The following MCF2L variants were observed in gnomAD, a reference collection of about 807,000 sequenced individuals.
MCF2L encodes MCF.2 cell line derived transforming sequence like, also known as guanine nucleotide exchange factor DBS.
MCF2L carries 97 observed loss-of-function variants against 153.4 expected under a neutral mutation model. The observed-to-expected ratio is 0.63, with a 90% CI of 0.54 to 0.75. MCF2L has a LOEUF of 0.75. Among genes scored for constraint, MCF2L ranks in the 30% least tolerant of loss-of-function variants. The pLI is 0.00. For synonymous variants in MCF2L, 659 were observed against 632.2 expected (o/e 1.04, Z -0.64); for missense variants, 1,347 against 1,495.2 (o/e 0.90, Z 1.64).
chr13:113,078,693 C>T lies in MCF2L; in HGVS notation c.1762C>T (p.Arg588Cys), dbSNP rs746584526. The T allele has an allele frequency of 1.4e-5, 22 of 1,611,194 alleles. No individual in the cohort carries two copies. The highest frequency in any genetic ancestry group is 1.1e-4 in the South Asian group (10 of 90,888). ...TGAGATGAGTGAGAGCCGGCAGGGCCGCGGCTCAGCGGGGGAGGAGGAGGA... is the reference window on the plus strand; with the variant it reads ...TGAGATGAGTGAGAGCCGGCAGGGCTGCGGCTCAGCGGGGGAGGAGGAGGA... The part of the protein sequence containing the change: ...KSEMSESRQG[R>C]GSAGEEEESL... Residue 588 changes from arginine (R) to cysteine (C), a missense_variant, in exon 15 of 30, where the codon CGC (arginine) becomes TGC (cysteine). Coordinates refer to ENST00000535094, the MANE Select transcript of MCF2L (RefSeq NM_001112732.3).
chr13:112,968,426 C>G (rs904326882), upstream of MCF2L: 10 of 1,577,176 alleles, frequency 6.3e-6, no homozygotes, highest in Non-Finnish European at 8.5e-6. Flanking sequence ...AGCCAGGACG[C>G]TGCGTGTGTC....
intron 1 of MCF2L, among the ~76,000 whole-genome samples, chr13:112,901,906 C>T (rs1293318623): frequency 6.6e-6 from 1 of 152,148 alleles, no homozygotes; most frequent in Admixed American, 6.5e-5. Flanking sequence ...GAGGGGAAAA[C>T]CTCGGTTGTT....
rs1205482009 is a variant in MCF2L at position 113,035,430 on chromosome 13, C to G, written c.279-9841C>G. On this transcript the variant is annotated intron_variant, in intron 3 of 29. Coordinates refer to ENST00000535094, the MANE Select transcript of MCF2L (RefSeq NM_001112732.3). This position sits in a 1 kb window ranked among gnomAD's most constrained non-coding sequence, Gnocchi z 4.4. Reference sequence around the variant, plus strand: ...CTTCCTTGGCGGGAAACCAGGTCCTCTGACCTCACCCGGCTCTGCAGTCTG... The same window carrying G: ...CTTCCTTGGCGGGAAACCAGGTCCTGTGACCTCACCCGGCTCTGCAGTCTG... Among the ~76,000 whole-genome samples, 1 of 152,220 alleles carries G rather than the reference C, an allele frequency of 6.6e-6. No individual in the cohort carries two copies. The highest frequency in any genetic ancestry group is 2.4e-5 in the African/African-American group (1 of 41,460).
rs1033842438 is a variant in MCF2L, at chr13:113,054,120, C to CA, written c.370-6472dup. ...GAGCTCCCTCCCATCAATCAATCAA[C>CA]AGACTGTCCTATTTTCATAGTAGTC... On this transcript the variant is annotated intron_variant, in intron 4 of 29. Coordinates refer to ENST00000535094, the MANE Select transcript of MCF2L (RefSeq NM_001112732.3). The surrounding 1 kb of genome is among the most constrained non-coding windows in gnomAD (Gnocchi z 5.2). 6.6e-6 allele frequency among the ~76,000 whole-genome samples: 1 copy of CA among 152,144 alleles called. No individual in the cohort carries two copies. Among genetic ancestry groups the CA allele is most frequent in the African/African-American group, 2.4e-5 (1 of 41,432 alleles).
At chr13:112,931,226 C>T (rs2081459601) in intron 2 of MCF2L, among the ~76,000 whole-genome samples, 1 of 152,184 alleles carries the variant, frequency 6.6e-6, no homozygotes, top group Non-Finnish European at 1.5e-5. Context: ...GAAACCGCCT[C>T]ACGGAAGAAG....
Position 113,063,731 on chromosome 13 carries a change from C to T in MCF2L, c.490-573C>T, listed in dbSNP as rs74115772. 1,628 of 414,480 alleles carry T rather than the reference C, an allele frequency of 3.9e-3. 43 individuals are homozygous for T. The East Asian group carries it at 0.064, about 16-fold the overall frequency. 25.7% of individuals were successfully genotyped at this position (414,480 alleles called of 1,614,324 possible). A position where few individuals can be genotyped will look rare whatever the true frequency, so the allele number is the denominator to read the frequency against. Reference sequence around the variant, plus strand: ...CAGATAGTCACGGCAGCAGAGGTGCCGGGGCCACTGTTCTCCCTCATGTCT... The same window carrying T: ...CAGATAGTCACGGCAGCAGAGGTGCTGGGGCCACTGTTCTCCCTCATGTCT... On this transcript the variant is annotated intron_variant, in intron 5 of 29. Coordinates refer to ENST00000535094, the MANE Select transcript of MCF2L (RefSeq NM_001112732.3).
chr13:113,034,896 G>C (rs555723582), intron 3 of MCF2L, among the ~76,000 whole-genome samples: 1 of 150,984 alleles, frequency 6.6e-6, no homozygotes, highest in African/African-American at 2.4e-5. Context: ...AGGTGAGGAA[G>C]GTCTGCCCGA....
At chr13:112,921,003 T>TAA (rs35975644) in intron 2 of MCF2L, among the ~76,000 whole-genome samples, 10 of 140,926 alleles carry the variant, frequency 7.1e-5, no homozygotes, top group African/African-American at 2.1e-4. Flanking sequence ...TCATCTCTAC[T>TAA]AAAAAAAAAA....
intron 1 of MCF2L, among the ~76,000 whole-genome samples, chr13:112,898,660 G>A (rs558598397): frequency 8.5e-5 from 13 of 152,054 alleles, no homozygotes; most frequent in Admixed American, 2.0e-4. Flanking sequence ...TTTGCTATTC[G>A]GCTGCCTGTG....
intron 1 of MCF2L, among the ~76,000 whole-genome samples, chr13:113,000,119 G>A (rs1429937133): frequency 6.6e-6 from 1 of 152,194 alleles, no homozygotes; most frequent in African/African-American, 2.4e-5. Context: ...CCCGGGGCTC[G>A]TGTTCCAGGG....
At chr13:112,990,032 G>A (rs573285441) in intron 1 of MCF2L, among the ~76,000 whole-genome samples, 75 of 152,262 alleles carry the variant, frequency 4.9e-4, no homozygotes, top group African/African-American at 1.4e-3. Flanking sequence ...GACAGGAGGC[G>A]GAGCTCAGGC....
upstream of MCF2L, among the ~76,000 whole-genome samples, chr13:112,966,288 C>T (rs1447956239): frequency 6.6e-6 from 1 of 152,178 alleles, no homozygotes; most frequent in Non-Finnish European, 1.5e-5. This position sits in a 1 kb window ranked among gnomAD's most constrained non-coding sequence, Gnocchi z 4.1. Flanking sequence ...CAAATCAGCT[C>T]CTGAAATTGT....
At position 113,074,984 on chromosome 13, in the gene MCF2L, G is replaced by T; in HGVS notation, c.1117-14G>T. On this transcript the variant is annotated splice_polypyrimidine_tract_variant and intron_variant, in intron 10 of 29. Coordinates refer to ENST00000535094, the MANE Select transcript of MCF2L (RefSeq NM_001112732.3). The surrounding 1 kb of genome is among the most constrained non-coding windows in gnomAD (Gnocchi z 4.2). Reference sequence around the variant, plus strand: ...AAAGAGGCCTGAGCTGGTCCTCTGGGTGGCCGTCCACAGGTGGCCGTGGAG... The same window carrying T: ...AAAGAGGCCTGAGCTGGTCCTCTGGTTGGCCGTCCACAGGTGGCCGTGGAG... 1 of 1,588,876 alleles carries T rather than the reference G, an allele frequency of 6.3e-7. No homozygotes were observed.
At chr13:112,946,166 A>T (rs2081635269) in intron 2 of MCF2L, among the ~76,000 whole-genome samples, 2 of 152,208 alleles carry the variant, frequency 1.3e-5, no homozygotes, top group African/African-American at 4.8e-5. Flanking sequence ...TTTTATTTGA[A>T]ATGTCAAAAT....
At chr13:113,065,272 G>A (rs1007702537) in intron 7 of MCF2L, 187 bp downstream of exon 7, 58 of 627,098 alleles carry the variant, frequency 9.2e-5, no homozygotes, top group East Asian at 3.6e-4. Context: ...CAACCTCTCC[G>A]ACGAGAACGG....
chr13:113,007,490 A>C (rs1416133455), intron 1 of MCF2L, among the ~76,000 whole-genome samples: 1 of 152,196 alleles, frequency 6.6e-6, no homozygotes, highest in African/African-American at 2.4e-5. Context: ...GAGAAAGAGG[A>C]AATACCTGCC....
upstream of MCF2L, chr13:112,968,886 GA>G: frequency 1.3e-6 from 1 of 744,312 alleles, no homozygotes; most frequent in Non-Finnish European, 2.0e-6. Flanking sequence ...CCTCGGCGGT[GA>G]CACGAATTTC....
chr13:113,082,914 C>T lies in MCF2L; in HGVS notation c.1991+372C>T, dbSNP rs77177452. Among the ~76,000 whole-genome samples, 9 of 152,156 alleles carry T rather than the reference C, an allele frequency of 5.9e-5. No individual in the cohort carries two copies. In the South Asian group the frequency reaches 1.2e-3, roughly 21 times the overall value. On this transcript the variant is annotated intron_variant, in intron 17 of 29. Coordinates refer to ENST00000535094, the MANE Select transcript of MCF2L (RefSeq NM_001112732.3). Reference sequence around the variant, plus strand: ...CGGAACCCCCTCCCAGGTGTGTATTCGGCCCTTTAGGGGGTCACCGAAGGC... The same window carrying T: ...CGGAACCCCCTCCCAGGTGTGTATTTGGCCCTTTAGGGGGTCACCGAAGGC...
chr13:113,059,584 A>G (rs2031020102), intron 4 of MCF2L, among the ~76,000 whole-genome samples: 1 of 152,168 alleles, frequency 6.6e-6, no homozygotes, highest in African/African-American at 2.4e-5. Flanking sequence ...TGGTGTCGAG[A>G]GCAACCATCA....
Sources: gnomAD v4.1 joint callset for allele counts (sites outside exome capture counted in the v4.1 genomes callset) on GRCh38, gnomAD v4.1.1 for gene constraint, Gnocchi (gnomAD v3.1) non-coding constraint, MANE v1.5 for transcripts, NCBI Gene and HGNC (gene_info 2026-07-23, HGNC 2026-07-21) for gene names.